HAPLN2: variants seen among roughly 807,000 people sequenced by gnomAD.
The protein encoded by HAPLN2 is hyaluronan and proteoglycan link protein 2, also known as brain link protein-1.
HAPLN2 carries 27 observed loss-of-function variants against 29.3 expected under a neutral mutation model. That is an observed-to-expected ratio of 0.92 (90% CI 0.68 to 1.27). The LOEUF is 1.27. HAPLN2 is among the 50% of genes most tolerant of loss of function. The pLI is 0.00. For missense variants in HAPLN2, 454 were observed against 484.3 expected, an observed-to-expected ratio of 0.94 and a Z score of 0.59; for synonymous variants, 208 against 211.7, an observed-to-expected ratio of 0.98 and a Z score of 0.15.
rs780443838 is a variant in HAPLN2 at position 156,624,129 on chromosome 1, C to G, written c.408C>G (p.Asp136Glu). 2.5e-6 allele frequency: 4 copies of G among 1,613,560 alleles called. No individual in the cohort carries two copies. Among genetic ancestry groups the G allele is most frequent in the Non-Finnish European group, 2.5e-6 (3 of 1,179,878 alleles). Residue 136 changes from aspartate to glutamate, a missense_variant, in exon 4 of 7, where the codon GAC (aspartate) becomes GAG (glutamate). Physicochemically the swap from Asp to Glu is conservative, Grantham distance 45. Transcript: ENST00000255039. ...YRCELINGIE[D>E]ESVALTLSLE... ...GCGAGCTCATCAACGGCATCGAGGA[C>G]GAGAGCGTGGCGCTGACCTTGAGCT... is the stretch of plus-strand genomic sequence containing the variant.
the HAPLN2 span, among the ~76,000 whole-genome samples, chr1:156,602,536 C>T: frequency 1.8e-5 from 2 of 112,058 alleles, no homozygotes; most frequent in African/African-American, 3.2e-5. Context: ...GGCGAGACAC[C>T]GACTAAAAAT....
chr1:156,611,459 G>A, the HAPLN2 span, among the ~76,000 whole-genome samples: 8 of 152,094 alleles, frequency 5.3e-5, no homozygotes, highest in Non-Finnish European at 1.0e-4. Flanking sequence ...CAGCTACTTG[G>A]GAGGCTGAGG....
Position 156,624,732 on chromosome 1 carries a change from G to T in HAPLN2, c.688G>T (p.Asp230Tyr). 1 of 1,562,310 alleles carries T rather than the reference G, an allele frequency of 6.4e-7. No homozygotes were observed. Residue 230 changes from aspartate to tyrosine, a missense_variant, in exon 6 of 7, where the codon GAC (aspartate) becomes TAC (tyrosine). By Grantham distance (160) the Asp-to-Tyr change is radical. Transcript: ENST00000255039. ...RPGIRSYGPR[D>Y]RMRDRYDAFC... The stretch of plus-strand genomic sequence containing the variant: ...CGGGATCCGCAGCTACGGACCCCGC[G>T]ACCGGATGCGCGACCGCTACGACGC...
At chr1:156,604,322 G>C in the HAPLN2 span, among the ~76,000 whole-genome samples, 3 of 145,212 alleles carry the variant, frequency 2.1e-5, no homozygotes, top group African/African-American at 7.6e-5. Context: ...TTTTGAGACA[G>C]AGTCTCTATC....
In HAPLN2 at chr1:156,625,631, T is replaced by G; in HGVS notation, c.*247T>G. ...CGGACCCGCTGCCGTTCGCGAACCC[T>G]AGCAGAGGACTCAGCCACCGCCGGG... is the stretch of plus-strand genomic sequence containing the variant. On this transcript the variant is annotated 3_prime_UTR_variant, in exon 7 of 7. Coordinates refer to ENST00000255039, the MANE Select transcript of HAPLN2 (RefSeq NM_021817.3). The surrounding 1 kb of genome is among the most constrained non-coding windows in gnomAD (Gnocchi z 5.7). 4 of 442,254 alleles carry G rather than the reference T, an allele frequency of 9.0e-6. No individual in the cohort carries two copies. The highest frequency in any genetic ancestry group is 7.9e-6 in the Non-Finnish European group (2 of 252,360). The allele number at this position is 442,254 out of a possible 1,614,324, so 27.4% of individuals were successfully genotyped here.
In HAPLN2 at chr1:156,625,027, A is replaced by G. The variant is rs1185282812; in HGVS notation, c.740-74A>G. The G allele has an allele frequency of 2.0e-6, 3 of 1,487,068 alleles. No homozygotes were observed. Among genetic ancestry groups the G allele is most frequent in the Middle Eastern group, 2.4e-4 (1 of 4,160 alleles). The allele number at this position is 1,487,068 out of a possible 1,614,324, so 92.1% of individuals were successfully genotyped here. A position where few individuals can be genotyped will look rare whatever the true frequency, so the allele number is the denominator to read the frequency against. The stretch of plus-strand genomic sequence containing the variant: ...AGCACCTCTGCGGTCCCGCACCCCA[A>G]CTCCGCCTCCTGGGTGTCAGCCGCC... On this transcript the variant is annotated intron_variant, in intron 6 of 6. Transcript: ENST00000255039. The surrounding 1 kb of genome is among the most constrained non-coding windows in gnomAD (Gnocchi z 5.7).
the HAPLN2 span, chr1:156,601,600 G>C: frequency 1.3e-6 from 1 of 756,840 alleles, no homozygotes; most frequent in Non-Finnish European, 2.2e-6. Flanking sequence ...CATAGAAACT[G>C]GGACCTGGAG....
chr1:156,602,923 T>G, the HAPLN2 span, among the ~76,000 whole-genome samples: 1 of 152,080 alleles, frequency 6.6e-6, no homozygotes, highest in Non-Finnish European at 1.5e-5. Flanking sequence ...CCCTAGAAAC[T>G]TCCAAACAGA....
upstream of HAPLN2, among the ~76,000 whole-genome samples, chr1:156,616,985 A>C (rs1233559544): frequency 6.6e-6 from 1 of 151,954 alleles, no homozygotes; most frequent in Non-Finnish European, 1.5e-5. Context: ...GCTACCTGAG[A>C]GGCTGAGGTG....
At chr1:156,606,042 G>T in the HAPLN2 span, among the ~76,000 whole-genome samples, 3 of 152,110 alleles carry the variant, frequency 2.0e-5, no homozygotes, top group Non-Finnish European at 4.4e-5. Flanking sequence ...CTAACACTTC[G>T]GGAGGCCAAG....
At chr1:156,618,949 G>A (rs889553668), upstream of HAPLN2, among the ~76,000 whole-genome samples, 3 of 152,008 alleles carry the variant, frequency 2.0e-5, no homozygotes, top group East Asian at 5.8e-4. Context: ...GGTTTCCAAA[G>A]TCCTTCTGTC....
At chr1:156,609,786 G>A in the HAPLN2 span, among the ~76,000 whole-genome samples, 5 of 152,108 alleles carry the variant, frequency 3.3e-5, no homozygotes, top group East Asian at 9.6e-4. Flanking sequence ...GGAGGGTGAG[G>A]ATTGAAAACC....
chr1:156,604,761 A>G, the HAPLN2 span, among the ~76,000 whole-genome samples: 83 of 152,364 alleles, frequency 5.4e-4, no homozygotes, highest in African/African-American at 1.9e-3. Flanking sequence ...AGCTTTATAC[A>G]TTGAAGCTAC....
At chr1:156,624,317 G>C in intron 4 of HAPLN2, 34 bp from the exon 5 acceptor site, 1 of 1,561,358 alleles carries the variant, frequency 6.4e-7, no homozygotes, top group Admixed American at 1.8e-5. Flanking sequence ...GCTCCCATCC[G>C]CTGGCCCTCC....
chr1:156,603,370 C>T, the HAPLN2 span, among the ~76,000 whole-genome samples: 1 of 151,966 alleles, frequency 6.6e-6, no homozygotes, highest in East Asian at 1.9e-4. Context: ...GCTGCAGTGT[C>T]CTGCAGCCAC....
chr1:156,612,171 C>T, the HAPLN2 span, among the ~76,000 whole-genome samples: 1 of 152,022 alleles, frequency 6.6e-6, no homozygotes, highest in Non-Finnish European at 1.5e-5. Flanking sequence ...TTACATGTGC[C>T]CACTACCATG....
intron 4 of HAPLN2, 47 bp from the exon 5 acceptor site, chr1:156,624,304 T>G (rs781729246): frequency 3.0e-5 from 46 of 1,527,828 alleles, no homozygotes; most frequent in African/African-American, 1.9e-4. Context: ...TTCCTCCCCC[T>G]CCGCTCCCAT....
rs78830470 is a variant in HAPLN2 at position 156,622,309 on chromosome 1, T to C, written c.-24-1158T>C. Among the ~76,000 whole-genome samples, 166 of 151,954 alleles carry C rather than the reference T, an allele frequency of 1.1e-3. 1 individual carries two copies. In the East Asian group the frequency reaches 0.022, roughly 20 times the overall value. ...AAAAATAGAAAAGAAAAAAATTTAG[T>C]GGGGTTTCATGGTGTGCGCCTGTAG... On this transcript the variant is annotated intron_variant, in intron 2 of 6. Transcript: ENST00000255039.
the HAPLN2 span, among the ~76,000 whole-genome samples, chr1:156,612,767 GC>G: frequency 2.6e-5 from 4 of 152,128 alleles, no homozygotes; most frequent in African/African-American, 9.7e-5. Flanking sequence ...CTGGTTCCTT[GC>G]ATGCTGGAGA....
Sources: gnomAD v4.1 joint callset for allele counts (sites outside exome capture counted in the v4.1 genomes callset) on GRCh38, gnomAD v4.1.1 for gene constraint, Gnocchi (gnomAD v3.1) non-coding constraint, MANE v1.5 for transcripts, NCBI Gene and HGNC (gene_info 2026-07-23, HGNC 2026-07-21) for gene names.